The following NBPF12 variants were observed in gnomAD, a reference collection of about 807,000 sequenced individuals.
NBPF12 encodes the protein NBPF member 12.
In NBPF12, 115 loss-of-function variants were observed where a neutral mutation model predicts 146.4. The ratio of observed to expected loss-of-function variants is 0.79; its 90% CI spans 0.68 to 0.92. The LOEUF (loss-of-function observed/expected upper bound fraction) is 0.92. NBPF12 is among the 40% of genes least tolerant of loss of function. NBPF12 has a pLI of 0.00. For missense variants in NBPF12, 1,205 were observed against 1,326.8 expected (o/e 0.91, Z 1.43); for synonymous variants, 385 against 508.9 (o/e 0.76, Z 3.28).
At chr1:146,976,640 G>A (rs1657051145) in intron 16 of NBPF12, among the ~76,000 whole-genome samples, 1 of 151,276 alleles carries the variant, frequency 6.6e-6, no homozygotes, top group African/African-American at 2.5e-5. Flanking sequence ...GGATGGGGGA[G>A]ACAGCTGCCA....
chr1:146,989,400 G>A (rs1488006211), intron 27 of NBPF12, among the ~76,000 whole-genome samples, 174 bp from the exon 31 acceptor site: 1 of 150,610 alleles, frequency 6.6e-6, no homozygotes, highest in Non-Finnish European at 1.5e-5. Flanking sequence ...CTCTTTCATT[G>A]TTTTCTACCT....
chr1:146,948,155 C>T (rs1486079388), upstream of NBPF12, among the ~76,000 whole-genome samples: 4 of 151,910 alleles, frequency 2.6e-5, no homozygotes, highest in African/African-American at 2.4e-5. Context: ...GGATTACAGG[C>T]GCCTGCTACC....
intron 2 of NBPF12, among the ~76,000 whole-genome samples, chr1:146,952,697 C>A (rs1390414222): frequency 6.8e-6 from 1 of 147,664 alleles, no homozygotes; most frequent in African/African-American, 2.5e-5. Context: ...TCCTGTCTTA[C>A]GCCACTTGGG....
At chr1:146,950,218 TA>T in intron 1 of NBPF12, among the ~76,000 whole-genome samples, 1 of 151,670 alleles carries the variant, frequency 6.6e-6, no homozygotes, top group Non-Finnish European at 1.5e-5. Flanking sequence ...AAATGTCATG[TA>T]GACCACATCA....
intron 14 of NBPF12, among the ~76,000 whole-genome samples, chr1:146,973,962 C>T (rs1297473192): frequency 6.6e-6 from 1 of 150,872 alleles, no homozygotes; most frequent in Non-Finnish European, 1.5e-5. Context: ...GGCCTGTCTC[C>T]TGGGCTCCAT....
chr1:146,980,309 T>C (rs1657292260), intron 19 of NBPF12, among the ~76,000 whole-genome samples: 1 of 152,122 alleles, frequency 6.6e-6, no homozygotes, highest in Non-Finnish European at 1.5e-5. Flanking sequence ...ATTTAGCCCC[T>C]TTACATTTAA....
rs1553890076 is a variant in NBPF12, at chr1:146,994,474, C to T, written c.4273C>T (p.Gln1425Ter). 6 of 1,609,192 alleles carry T rather than the reference C, an allele frequency of 3.7e-6. No homozygotes were observed. In the South Asian group the frequency reaches 6.6e-5, roughly 18 times the overall value. Residue 1425 changes from glutamine to a stop codon, truncating the protein, a stop_gained, in exon 34 of 34, where the codon CAG becomes TAG. Coordinates refer to ENST00000617844, the Ensembl canonical transcript of NBPF12. LOFTEE classifies it high-confidence loss of function. The stretch of plus-strand genomic sequence containing the variant: ...AAGTGTGTTTTACTCATTTGAGGAA[C>T]AGCACATCACCTTTGCCCTTGACAT...
At chr1:146,961,128 A>G (rs1444234130) in intron 4 of NBPF12, among the ~76,000 whole-genome samples, 16 of 152,098 alleles carry the variant, frequency 1.1e-4, no homozygotes, top group Admixed American at 9.2e-4. Flanking sequence ...CATGGGTGAC[A>G]GGGCAAGACT....
exon 9 of NBPF12, chr1:146,966,547 A>G: frequency 1.4e-6 from 2 of 1,437,072 alleles, no homozygotes; most frequent in Non-Finnish European, 2.0e-6. Flanking sequence ...AGAGATGAAC[A>G]TTCTAGAAAT....
intron 12 of NBPF12, 67 bp from the exon 16 acceptor site, chr1:146,971,116 G>C (rs1656583815): frequency 6.2e-7 from 1 of 1,606,252 alleles, no homozygotes; most frequent in South Asian, 1.1e-5. Context: ...AAACCAGCTA[G>C]GACTCCTTGG....
chr1:146,965,860 C>T (rs1468203022), intron 8 of NBPF12, among the ~76,000 whole-genome samples: 2 of 139,742 alleles, frequency 1.4e-5, no homozygotes, highest in African/African-American at 5.4e-5. Context: ...TTAATCCCAG[C>T]ACTTTGAGAG....
At chr1:146,978,804 CAA>C (rs1399924684) in intron 18 of NBPF12, among the ~76,000 whole-genome samples, 153 bp from the exon 22 acceptor site, 1 of 134,608 alleles carries the variant, frequency 7.4e-6, no homozygotes, top group Non-Finnish European at 1.6e-5. Flanking sequence ...TAATTCTCAC[CAA>C]AGTTAATCTA....
exon 8 of NBPF12, chr1:146,965,076 A>G (rs2101856020): frequency 6.2e-7 from 1 of 1,601,968 alleles, no homozygotes; most frequent in Admixed American, 1.7e-5. Context: ...CTCATGATGA[A>G]TGTCAGGATG....
upstream of NBPF12, chr1:146,938,621 G>T (rs1485834696): frequency 2.0e-5 from 3 of 152,064 alleles, no homozygotes; most frequent in Non-Finnish European, 4.4e-5. Context: ...GCCCAGCTGC[G>T]CTCCGTCCTC....
chr1:146,973,041 C>A, intron 14 of NBPF12, 81 bp downstream of exon 17: 4 of 770,348 alleles, frequency 5.2e-6, no homozygotes, highest in South Asian at 4.1e-5. Context: ...CTCTCTCCAT[C>A]AAAAATAATG....
chr1:146,969,693 T>C, intron 11 of NBPF12, 97 bp downstream of exon 14: 2 of 1,554,678 alleles, frequency 1.3e-6, no homozygotes, highest in Non-Finnish European at 1.8e-6. Context: ...CAGTGGGGTT[T>C]TTTTCTACTA....
rs1489541357 is a variant in NBPF12, at chr1:146,962,017, G to A, written c.176-144G>A. 66 of 701,018 alleles carry A rather than the reference G, an allele frequency of 9.4e-5. No homozygotes were observed. The Middle Eastern group carries it at 1.2e-3, about 13-fold the overall frequency. The allele number at this position is 701,018 out of a possible 1,614,324, so 43.4% of individuals were successfully genotyped here. A position where few individuals can be genotyped will look rare whatever the true frequency, so the allele number is the denominator to read the frequency against. On this transcript the variant is annotated intron_variant, in intron 4 of 33. Transcript: ENST00000617844. ...TGCCAGAAAGTCAGGAGACTGAAGAGTAAAGATGTGGAAATCCCTGTCTAG... is the reference window on the plus strand; with the variant it reads ...TGCCAGAAAGTCAGGAGACTGAAGAATAAAGATGTGGAAATCCCTGTCTAG...
rs1452374084 is a variant in NBPF12, at chr1:146,966,243, G to A, written c.779-221G>A. ...TTGCTTTATAGAAACGTATAAGCAAGAAAAGTGTAGAAGTGTTTATGTCCT... is the reference window on the plus strand; with the variant it reads ...TTGCTTTATAGAAACGTATAAGCAAAAAAAGTGTAGAAGTGTTTATGTCCT... On this transcript the variant is annotated intron_variant, in intron 8 of 33. Transcript: ENST00000617844. Among the ~76,000 whole-genome samples, 21 of 152,088 alleles carry A rather than the reference G, an allele frequency of 1.4e-4. 1 individual carries two copies. The highest frequency in any genetic ancestry group is 4.8e-4 in the African/African-American group (20 of 41,366).
chr1:146,970,631 C>A lies in NBPF12; in HGVS notation c.1307-16C>A, dbSNP rs1656540956. 2 of 1,557,940 alleles carry A rather than the reference C, an allele frequency of 1.3e-6. No homozygotes were observed. Among genetic ancestry groups the A allele is most frequent in the Non-Finnish European group, 1.8e-6 (2 of 1,132,538 alleles). On this transcript the variant is annotated splice_polypyrimidine_tract_variant and intron_variant, in intron 11 of 33. Transcript: ENST00000617844. ...GTGAAGTGGAAAATATCTGAACGAA[C>A]ATTTTGTATTTATAGAAAATGATGA...
Sources: allele counts gnomAD v4.1 joint callset (sites outside exome capture counted in the v4.1 genomes callset), GRCh38; gene constraint gnomAD v4.1.1; transcripts MANE v1.5; gene names NCBI Gene and HGNC (gene_info 2026-07-23, HGNC 2026-07-21).